CSMD1: variants seen among roughly 807,000 people sequenced by gnomAD.
The protein encoded by CSMD1 is CUB and sushi domain-containing protein 1.
A neutral mutation model predicts 417.5 loss-of-function variants in CSMD1; 213 were observed. The ratio of observed to expected loss-of-function variants is 0.51; its 90% CI spans 0.46 to 0.57. The LOEUF is 0.57. Among genes scored for constraint, CSMD1 ranks in the 20% least tolerant of loss-of-function variants. The pLI, the probability that CSMD1 is intolerant of heterozygous loss-of-function variation, is 0.00. For missense variants in CSMD1, 6,923 were observed against 4,529.7 expected, an observed-to-expected ratio of 1.53 and a Z score of -15.17; for synonymous variants, 2,862 against 1,736.8, an observed-to-expected ratio of 1.65 and a Z score of -16.11.
At chr8:3,334,629 A>G (rs1218441279) in intron 23 of CSMD1, among the ~76,000 whole-genome samples, 1 of 152,236 alleles carries the variant, frequency 6.6e-6, no homozygotes, top group Non-Finnish European at 1.5e-5. Context: ...ATTAGTCGTC[A>G]ATATCAGATC....
chr8:4,240,755 G>A (rs543658669), intron 3 of CSMD1, among the ~76,000 whole-genome samples: 1 of 152,010 alleles, frequency 6.6e-6, no homozygotes, highest in South Asian at 2.1e-4. Flanking sequence ...TGTGCCCTTT[G>A]AATTTAATTT....
intron 1 of CSMD1, among the ~76,000 whole-genome samples, chr8:4,727,378 A>T (rs1439982201): frequency 1.3e-5 from 2 of 152,202 alleles, no homozygotes; most frequent in Non-Finnish European, 2.9e-5. Context: ...AATGCTCTCC[A>T]TTGAAAGCTT....
intron 1 of CSMD1, among the ~76,000 whole-genome samples, chr8:4,779,226 C>T (rs145814937): frequency 3.3e-5 from 5 of 152,256 alleles, no homozygotes; most frequent in African/African-American, 9.6e-5. Context: ...GTTATGTTAA[C>T]GTCTCCCAGC....
intron 1 of CSMD1, among the ~76,000 whole-genome samples, chr8:4,940,309 A>T (rs4620305): frequency 0.5 from 76,313 of 151,912 alleles, 20,324 homozygotes; most frequent in East Asian, 0.79. Context: ...TATGGCTTCA[A>T]TCTGAATTAT....
At chr8:3,702,344 C>T (rs1450723429) in intron 7 of CSMD1, 2 of 152,174 alleles carry the variant, frequency 1.3e-5, no homozygotes, top group African/African-American at 4.8e-5. Flanking sequence ...TGGGGAAAAT[C>T]TCTACTTCAA....
intron 68 of CSMD1, among the ~76,000 whole-genome samples, chr8:2,942,947 A>G (rs1801990986): frequency 6.6e-6 from 1 of 152,164 alleles, no homozygotes; most frequent in African/African-American, 2.4e-5. Context: ...TTCTATATTC[A>G]GAGGTCAATA....
At chr8:4,427,720 C>T (rs957486450) in intron 2 of CSMD1, among the ~76,000 whole-genome samples, 2 of 152,116 alleles carry the variant, frequency 1.3e-5, no homozygotes, top group Non-Finnish European at 2.9e-5. Flanking sequence ...CAGCATATCA[C>T]TAATTTGAAA....
At chr8:4,716,894 A>G (rs1438010190) in intron 1 of CSMD1, among the ~76,000 whole-genome samples, 2 of 152,160 alleles carry the variant, frequency 1.3e-5, no homozygotes, top group African/African-American at 2.4e-5. Context: ...CTAGAAGATT[A>G]AGCAAAAAAA....
At chr8:3,385,441 T>C (rs1810949771) in intron 18 of CSMD1, among the ~76,000 whole-genome samples, 1 of 151,906 alleles carries the variant, frequency 6.6e-6, no homozygotes, top group South Asian at 2.1e-4. Context: ...AGCCACCTAC[T>C]GAACTGATTG....
chr8:4,199,197 A>G (rs1435741544), intron 3 of CSMD1, among the ~76,000 whole-genome samples: 1 of 148,686 alleles, frequency 6.7e-6, no homozygotes, highest in Non-Finnish European at 1.5e-5. Context: ...AGAAACATTA[A>G]AAAATACAAT....
intron 5 of CSMD1, among the ~76,000 whole-genome samples, chr8:3,867,073 A>C (rs1341248704): frequency 6.6e-6 from 1 of 152,172 alleles, no homozygotes; most frequent in Non-Finnish European, 1.5e-5. Context: ...TTTTCCAACC[A>C]GTTTTTTAAA....
chr8:4,427,747 T>C (rs981240502), intron 2 of CSMD1, among the ~76,000 whole-genome samples: 5 of 152,190 alleles, frequency 3.3e-5, no homozygotes, highest in Non-Finnish European at 5.9e-5. Flanking sequence ...ATATAAAGTA[T>C]ATAAATCTCT....
At position 3,010,637 on chromosome 8, in the gene CSMD1, G is replaced by A. The variant is rs571483477; in HGVS notation, c.8029+7840C>T. On this transcript the variant is annotated intron_variant, in intron 52 of 69. Transcript: ENST00000635120. ...CTGGAATTCCACCCAGAATCAGCAC[G>A]GCTTCCCCCACATCTACTCTTCTGT... 6.6e-5 allele frequency among the ~76,000 whole-genome samples: 10 copies of A among 152,096 alleles called. No homozygotes were observed. The East Asian group carries it at 1.6e-3, about 24-fold the overall frequency.
intron 3 of CSMD1, among the ~76,000 whole-genome samples, chr8:4,216,417 A>C (rs1269352235): frequency 6.6e-6 from 1 of 152,208 alleles, no homozygotes; most frequent in Admixed American, 6.5e-5. Flanking sequence ...TGGTAAAATT[A>C]ATACTTATTT....
chr8:4,039,195 G>C (rs892655018), intron 3 of CSMD1, among the ~76,000 whole-genome samples: 3 of 152,134 alleles, frequency 2.0e-5, no homozygotes, highest in Non-Finnish European at 2.9e-5. Context: ...CTGGAATCTA[G>C]GTCCCTTAGG....
At chr8:4,318,335 C>T (rs1327160598) in intron 3 of CSMD1, among the ~76,000 whole-genome samples, 1 of 152,052 alleles carries the variant, frequency 6.6e-6, no homozygotes, top group Non-Finnish European at 1.5e-5. Flanking sequence ...TTAGGTCATC[C>T]ATCCCTCCTC....
At chr8:4,277,602 T>G (rs1796559049) in intron 3 of CSMD1, among the ~76,000 whole-genome samples, 1 of 152,208 alleles carries the variant, frequency 6.6e-6, no homozygotes, top group Non-Finnish European at 1.5e-5. Flanking sequence ...AAGTTCACTA[T>G]GAGGTGTCTC....
intron 4 of CSMD1, among the ~76,000 whole-genome samples, chr8:4,012,206 T>C (rs1313361231): frequency 6.6e-6 from 1 of 152,126 alleles, no homozygotes; most frequent in East Asian, 1.9e-4. Flanking sequence ...TATGATTCTA[T>C]GCCGTTTTAC....
chr8:3,098,191 G>T (rs576564997), intron 46 of CSMD1, among the ~76,000 whole-genome samples: 1 of 152,272 alleles, frequency 6.6e-6, no homozygotes, highest in East Asian at 1.9e-4. Flanking sequence ...TACTTGTAGA[G>T]TGTTAAGAGT....
Sources: allele counts gnomAD v4.1 joint callset (sites outside exome capture counted in the v4.1 genomes callset), GRCh38; gene constraint gnomAD v4.1.1; transcripts MANE v1.5; gene names NCBI Gene and HGNC (gene_info 2026-07-23, HGNC 2026-07-21).